Variants in PIK3C2G observed in about 807,000 individuals in gnomAD.
PIK3C2G encodes the protein phosphatidylinositol-4-phosphate 3-kinase catalytic subunit type 2 gamma.
PIK3C2G carries 168 observed loss-of-function variants against 181.1 expected under a neutral mutation model. The ratio of observed to expected loss-of-function variants is 0.93; its 90% CI spans 0.82 to 1.05. The LOEUF (loss-of-function observed/expected upper bound fraction) is 1.05. Among genes scored for constraint, PIK3C2G ranks in the 50% least tolerant of loss-of-function variants. The pLI is 0.00. For synonymous variants in PIK3C2G, 573 were observed against 592.2 expected, an observed-to-expected ratio of 0.97 and a Z score of 0.47; for missense variants, 1,869 against 1,732.8, an observed-to-expected ratio of 1.08 and a Z score of -1.40.
intron 11 of PIK3C2G, among the ~76,000 whole-genome samples, chr12:18,347,104 T>C (rs922329737): frequency 1.3e-5 from 2 of 152,214 alleles, no homozygotes; most frequent in Non-Finnish European, 2.9e-5. Flanking sequence ...TAATTCCATT[T>C]AGTGGCTCCT....
intron 1 of PIK3C2G, among the ~76,000 whole-genome samples, chr12:18,250,077 G>C (rs1948080893): frequency 6.6e-6 from 1 of 152,036 alleles, no homozygotes. Context: ...AGAAAAATCT[G>C]ATTTTCTCCT....
chr12:18,577,082 G>A (rs965659704), intron 29 of PIK3C2G, among the ~76,000 whole-genome samples: 1 of 152,206 alleles, frequency 6.6e-6, no homozygotes, highest in Non-Finnish European at 1.5e-5. Flanking sequence ...TGTGAAGAAG[G>A]TGAATATTGG....
chr12:18,381,054 C>A (rs1942799833), intron 13 of PIK3C2G, among the ~76,000 whole-genome samples: 1 of 152,142 alleles, frequency 6.6e-6, no homozygotes, highest in African/African-American at 2.4e-5. Flanking sequence ...TAGCCAGGTA[C>A]AACTTCTTTT....
chr12:18,692,495 G>A, the PIK3C2G span, among the ~76,000 whole-genome samples: 2 of 152,114 alleles, frequency 1.3e-5, no homozygotes, highest in African/African-American at 2.4e-5. Flanking sequence ...TTAGACAACT[G>A]CTTTTATGCT....
At chr12:18,291,736 A>G (rs1949698313) in intron 4 of PIK3C2G, among the ~76,000 whole-genome samples, 1 of 152,030 alleles carries the variant, frequency 6.6e-6, no homozygotes, top group Admixed American at 6.6e-5. Context: ...ATTTTCTTTT[A>G]TTTATTAATT....
At chr12:18,573,065 G>A (rs1946051924) in intron 29 of PIK3C2G, among the ~76,000 whole-genome samples, 1 of 152,086 alleles carries the variant, frequency 6.6e-6, no homozygotes, top group Non-Finnish European at 1.5e-5. Context: ...ATTCTAATGT[G>A]TAATGTTTCT....
chr12:18,259,201 T>G (rs534356225), upstream of PIK3C2G, among the ~76,000 whole-genome samples: 2 of 152,244 alleles, frequency 1.3e-5, no homozygotes, highest in Admixed American at 1.3e-4. Flanking sequence ...ACTAGGTAGC[T>G]GCTAAGTACC....
the PIK3C2G span, among the ~76,000 whole-genome samples, chr12:18,726,634 A>G: frequency 6.6e-6 from 1 of 151,224 alleles, no homozygotes; most frequent in East Asian, 1.9e-4. Context: ...GGCTTTCCAT[A>G]TTGTCACCAT....
chr12:18,543,345 G>A (rs144493541), intron 25 of PIK3C2G, among the ~76,000 whole-genome samples: 407 of 151,916 alleles, frequency 2.7e-3, no homozygotes, highest in African/African-American at 9.1e-3. Context: ...TAGGTTGCCC[G>A]TTTACTCCGT....
At chr12:18,466,745 C>T (rs1214082806) in intron 18 of PIK3C2G, among the ~76,000 whole-genome samples, 4 of 151,820 alleles carry the variant, frequency 2.6e-5, no homozygotes, top group Admixed American at 1.3e-4. Flanking sequence ...CAATAGCAAA[C>T]CACTTTACTT....
At chr12:18,705,877 T>C in the PIK3C2G span, among the ~76,000 whole-genome samples, 1 of 149,734 alleles carries the variant, frequency 6.7e-6, no homozygotes, top group Non-Finnish European at 1.5e-5. Context: ...AAAATAACAA[T>C]AATAATAATA....
At chr12:18,655,151 G>A in the PIK3C2G span, among the ~76,000 whole-genome samples, 1 of 152,090 alleles carries the variant, frequency 6.6e-6, no homozygotes, top group Non-Finnish European at 1.5e-5. Context: ...AAGCTAAGAA[G>A]AGAAAGGGTT....
intron 18 of PIK3C2G, among the ~76,000 whole-genome samples, chr12:18,484,441 GATTTAATC>G (rs2098535656): frequency 6.6e-6 from 1 of 152,144 alleles, no homozygotes; most frequent in Admixed American, 6.5e-5. Flanking sequence ...CTAGGGTATG[GATTTAATC>G]ATTTTCCGAA....
chr12:18,702,479 T>C, the PIK3C2G span, among the ~76,000 whole-genome samples: 1 of 152,160 alleles, frequency 6.6e-6, no homozygotes, highest in Non-Finnish European at 1.5e-5. Context: ...TGCTGAAATC[T>C]GGGTTATAAA....
intron 30 of PIK3C2G, among the ~76,000 whole-genome samples, chr12:18,607,981 C>A (rs1349191122): frequency 1.3e-5 from 2 of 152,248 alleles, no homozygotes; most frequent in South Asian, 2.1e-4. Context: ...CAGAGAAATG[C>A]AAATCAAAAC....
chr12:18,292,156 G>A (rs1367949229), intron 4 of PIK3C2G, among the ~76,000 whole-genome samples: 1 of 135,710 alleles, frequency 7.4e-6, no homozygotes, highest in African/African-American at 2.8e-5. Flanking sequence ...GTTGCAGTGA[G>A]CCGAGATCGC....
At chr12:18,607,986 C>CA (rs1309142559) in intron 30 of PIK3C2G, among the ~76,000 whole-genome samples, 1 of 152,200 alleles carries the variant, frequency 6.6e-6, no homozygotes, top group Admixed American at 6.5e-5. Flanking sequence ...AAATGCAAAT[C>CA]AAAACCACAC....
At chr12:18,358,448 G>A (rs913307222) in intron 11 of PIK3C2G, 2 of 230,194 alleles carry the variant, frequency 8.7e-6, no homozygotes, top group Non-Finnish European at 1.8e-5. Flanking sequence ...CAGCAGTGCT[G>A]ACCATCAAAG....
intron 26 of PIK3C2G, among the ~76,000 whole-genome samples, chr12:18,561,718 A>G (rs1299386548): frequency 6.6e-6 from 1 of 152,012 alleles, no homozygotes; most frequent in East Asian, 1.9e-4. Flanking sequence ...ATAAATTATT[A>G]CACCATTAGA....
Sources: allele counts gnomAD v4.1 joint callset (sites outside exome capture counted in the v4.1 genomes callset), GRCh38; gene constraint gnomAD v4.1.1; transcripts MANE v1.5; gene names NCBI Gene and HGNC (gene_info 2026-07-23, HGNC 2026-07-21).